The following SAPCD2 variants were observed in gnomAD, a reference collection of about 807,000 sequenced individuals.
SAPCD2 encodes suppressor APC domain containing 2, also known as suppressor APC domain-containing protein 2.
A neutral mutation model predicts 37.8 loss-of-function variants in SAPCD2; 34 were observed. The observed-to-expected ratio is 0.90, with a 90% CI of 0.68 to 1.20. The LOEUF is 1.20. Ranked by LOEUF, SAPCD2 falls within the 50% of genes most tolerant of loss-of-function variation. The pLI, the probability that SAPCD2 is intolerant of heterozygous loss-of-function variation, is 0.00. For missense variants in SAPCD2, 572 were observed against 584.7 expected (o/e 0.98, Z 0.22); for synonymous variants, 275 against 270.3 (o/e 1.02, Z -0.17).
chr9:137,066,149 C>G (rs527829114), intron 2 of SAPCD2, 113 bp downstream of exon 2: 1 of 829,190 alleles, frequency 1.2e-6, no homozygotes, highest in Non-Finnish European at 2.0e-6. Flanking sequence ...ATGTCCAGAG[C>G]TGACTGTACT....
chr9:137,065,508 G>A lies in SAPCD2; in HGVS notation c.831+14C>T. ...CCATGTGTGGGGATCTGGGGACAGG[G>A]CTGTGGCACTCACGGCGCTGGCTCT... On this transcript the variant is annotated intron_variant, in intron 3 of 5. Transcript: ENST00000409687. 1 of 1,588,886 alleles carries A rather than the reference G, an allele frequency of 6.3e-7. No individual in the cohort carries two copies. Among genetic ancestry groups the A allele is most frequent in the Non-Finnish European group, 8.6e-7 (1 of 1,165,096 alleles).
intron 1 of SAPCD2, among the ~76,000 whole-genome samples, chr9:137,069,634 G>A (rs974628064): frequency 2.6e-5 from 4 of 152,308 alleles, no homozygotes; most frequent in East Asian, 1.9e-4. Flanking sequence ...GCCACCCCCC[G>A]GCCCTGGTGG....
intron 1 of SAPCD2, among the ~76,000 whole-genome samples, chr9:137,067,682 G>A (rs2131530720): frequency 6.8e-6 from 1 of 147,116 alleles, no homozygotes; most frequent in South Asian, 2.2e-4. Context: ...GCTGAAGCAG[G>A]AGGATCGCTT....
Position 137,070,491 on chromosome 9 carries a change from C to T in SAPCD2, c.-31G>A. ...CCCGGGATCGGTCCCCTCGTCCACC[C>T]GCGTGCGTCCCAGCGCGGCCCCACG... is the stretch of plus-strand genomic sequence containing the variant. On this transcript the variant is annotated 5_prime_UTR_variant, in exon 1 of 6. Transcript: ENST00000409687. The T allele has an allele frequency of 8.4e-6, 10 of 1,195,996 alleles. No homozygotes were observed. The highest frequency in any genetic ancestry group is 1.0e-5 in the Non-Finnish European group (10 of 961,978). The allele number at this position is 1,195,996 out of a possible 1,614,324, so 74.1% of individuals were successfully genotyped here.
At position 137,064,883 on chromosome 9, in the gene SAPCD2, G is replaced by C. The variant is rs1454890942; in HGVS notation, c.1036C>G (p.Gln346Glu). 1 of 1,563,176 alleles carries C rather than the reference G, an allele frequency of 6.4e-7. No homozygotes were observed. Among genetic ancestry groups the C allele is most frequent in the East Asian group, 2.4e-5 (1 of 41,900 alleles). ...QQQTILMLKE[Q>E]NRLLTQEVTE... is the part of the protein sequence containing the mutation. Reference sequence around the variant, plus strand: ...CCTACCTGGGTGAGGAGTCGGTTCTGCTCCTTCAGCATGAGGATGGTCTGC... The same window carrying C: ...CCTACCTGGGTGAGGAGTCGGTTCTCCTCCTTCAGCATGAGGATGGTCTGC... The change falls in exon 5 of 6, where the codon CAG (glutamine) becomes GAG (glutamate). Residue 346 changes from glutamine to glutamate, a missense_variant. Coordinates refer to ENST00000409687, the MANE Select transcript of SAPCD2 (RefSeq NM_178448.4).
chr9:137,069,079 G>A (rs375461614), intron 1 of SAPCD2, among the ~76,000 whole-genome samples: 1 of 152,228 alleles, frequency 6.6e-6, no homozygotes, highest in African/African-American at 2.4e-5. Flanking sequence ...CTGGCAGAAC[G>A]GGTGCACAGG....
At position 137,070,395 on chromosome 9, in the gene SAPCD2, C is replaced by T. The variant is rs1199166098; in HGVS notation, c.66G>A (p.Glu22=). ...VPPPAPAPST[E]GLPRAFLQSL... is the part of the protein sequence containing the mutation. The stretch of plus-strand genomic sequence containing the variant: ...TCTGCAGGAAGGCGCGCGGCAGCCC[C>T]TCCGTGCTGGGCGCGGGTGCGGGGG... Residue 22 remains glutamate (E), a synonymous_variant, in exon 1 of 6, where the codon GAG becomes GAA. Coordinates refer to ENST00000409687, the MANE Select transcript of SAPCD2 (RefSeq NM_178448.4). The T allele has an allele frequency of 1.5e-6, 2 of 1,371,326 alleles. No individual in the cohort carries two copies. Among genetic ancestry groups the T allele is most frequent in the African/African-American group, 1.5e-5 (1 of 66,450 alleles). 84.9% of individuals were successfully genotyped at this position (1,371,326 alleles called of 1,614,324 possible). A position where few individuals can be genotyped will look rare whatever the true frequency, so the allele number is the denominator to read the frequency against.
In SAPCD2 at chr9:137,064,717, A is replaced by C. The variant is rs1296048731; in HGVS notation, c.1127T>G (p.Phe376Cys). 1.3e-6 allele frequency: 2 copies of C among 1,594,096 alleles called. No homozygotes were observed. Among genetic ancestry groups the C allele is most frequent in the Non-Finnish European group, 1.7e-6 (2 of 1,171,404 alleles). ...QEKSALIKQL[F>C]EARALSQQDG... ...CTGCTGGCTCAGGGCGCGGGCCTCA[A>C]ACAGCTGCTTAATGAGCGCCGACTT... Residue 376 changes from phenylalanine to cysteine, a missense_variant, in exon 6 of 6, where the codon TTT becomes TGT. Phe to Cys is a radical substitution (Grantham distance 205, BLOSUM62 -2). Coordinates refer to ENST00000409687, the MANE Select transcript of SAPCD2 (RefSeq NM_178448.4).
Position 137,070,271 on chromosome 9 carries a change from G to T in SAPCD2, c.190C>A (p.Leu64Met). Residue 64 changes from leucine (L) to methionine (M), a missense_variant, in exon 1 of 6, where the codon CTG becomes ATG. Coordinates refer to ENST00000409687, the MANE Select transcript of SAPCD2 (RefSeq NM_178448.4). ...AAGCCCTCCAGCACCCCGCGGGGCA[G>T]CTCCCGCGCGTCGGTGCCCTGCCAG... ...SRWQGTDARELPRGVLEGLRQ... is the reference protein window; with the variant it reads ...SRWQGTDAREMPRGVLEGLRQ... 1 of 1,455,222 alleles carries T rather than the reference G, an allele frequency of 6.9e-7. No homozygotes were observed. The highest frequency in any genetic ancestry group is 2.3e-5 in the Admixed American group (1 of 43,014). 90.1% of individuals were successfully genotyped at this position (1,455,222 alleles called of 1,614,324 possible).
chr9:137,067,966 G>C (rs1170611681), intron 1 of SAPCD2, among the ~76,000 whole-genome samples: 1 of 152,074 alleles, frequency 6.6e-6, no homozygotes, highest in Non-Finnish European at 1.5e-5. Context: ...TGAGGGAGTA[G>C]GTGCACCTCC....
At position 137,063,859 on chromosome 9, in the gene SAPCD2, C is replaced by T. The variant is rs1335415404; in HGVS notation, c.*800G>A. 2 of 152,312 alleles carry T rather than the reference C, an allele frequency of 1.3e-5. No individual in the cohort carries two copies. Among genetic ancestry groups the T allele is most frequent in the Admixed American group, 6.5e-5 (1 of 15,284 alleles). The allele number at this position is 152,312 out of a possible 1,614,324, so 9.4% of individuals were successfully genotyped here. Reference sequence around the variant, plus strand: ...ACCCCAGGCCTTGGAAATCCTGAGTCGGGGGAACAGGCTTTGCCTATGACG... The same window carrying T: ...ACCCCAGGCCTTGGAAATCCTGAGTTGGGGGAACAGGCTTTGCCTATGACG... On this transcript the variant is annotated 3_prime_UTR_variant, in exon 6 of 6. Coordinates refer to ENST00000409687, the MANE Select transcript of SAPCD2 (RefSeq NM_178448.4).
intron 1 of SAPCD2, among the ~76,000 whole-genome samples, chr9:137,067,660 G>A (rs756490928): frequency 2.7e-4 from 40 of 149,766 alleles, no homozygotes; most frequent in African/African-American, 9.3e-4. Flanking sequence ...TGTAATCCCA[G>A]CTACTCGGGA....
rs1706888514 is a variant in SAPCD2 at position 137,070,136 on chromosome 9, G to GGCCGT, written c.324_325insACGGC (p.Pro109ThrfsTer123). ...GGCGGCTGATCCCCGGGCCGGGCCG[G>GGCCGT]GGCGCGCGTGGGGTCCCGGGGGCCG... is the stretch of plus-strand genomic sequence containing the variant. On this transcript the variant is annotated frameshift_variant, in exon 1 of 6. Transcript: ENST00000409687. LOFTEE classifies it high-confidence loss of function. The GGCCGT allele has an allele frequency of 8.3e-7, 1 of 1,199,530 alleles. No homozygotes were observed. The highest frequency in any genetic ancestry group is 1.0e-6 in the Non-Finnish European group (1 of 968,540). The allele number at this position is 1,199,530 out of a possible 1,614,324, so 74.3% of individuals were successfully genotyped here.
At chr9:137,066,559 G>A (rs1832549560) in intron 1 of SAPCD2, among the ~76,000 whole-genome samples, 185 bp from the exon 2 acceptor site, 1 of 152,204 alleles carries the variant, frequency 6.6e-6, no homozygotes, top group Non-Finnish European at 1.5e-5. Flanking sequence ...TCCTCACACT[G>A]GCTTGGGGAG....
In SAPCD2 at chr9:137,064,440, G is replaced by A; in HGVS notation, c.*219C>T. 1 of 598,954 alleles carries A rather than the reference G, an allele frequency of 1.7e-6. No individual in the cohort carries two copies. Among genetic ancestry groups the A allele is most frequent in the Non-Finnish European group, 3.0e-6 (1 of 338,248 alleles). The allele number at this position is 598,954 out of a possible 1,614,324, so 37.1% of individuals were successfully genotyped here. A position where few individuals can be genotyped will look rare whatever the true frequency, so the allele number is the denominator to read the frequency against. ...CTCAAGAGAGCCCCAGCCCATGTCA[G>A]CACCAGGAGCCAAAACGGAGTCAAG... On this transcript the variant is annotated 3_prime_UTR_variant, in exon 6 of 6. Coordinates refer to ENST00000409687, the MANE Select transcript of SAPCD2 (RefSeq NM_178448.4).
Position 137,070,234 on chromosome 9 carries a change from G to A in SAPCD2, c.227C>T (p.Ala76Val), listed in dbSNP as rs1386126878. The A allele has an allele frequency of 1.4e-6, 2 of 1,414,794 alleles. No homozygotes were observed. The highest frequency in any genetic ancestry group is 1.9e-6 in the Non-Finnish European group (2 of 1,080,146). 87.6% of individuals were successfully genotyped at this position (1,414,794 alleles called of 1,614,324 possible). ...RGVLEGLRQV[A>V]PASGYLTFER... ...GAAGGTCAGGTAGCCGCTGGCCGGG[G>A]CCACCTGGCGCAAGCCCTCCAGCAC... The change falls in exon 1 of 6, where the codon GCC becomes GTC. Residue 76 changes from alanine to valine, a missense_variant. Coordinates refer to ENST00000409687, the MANE Select transcript of SAPCD2 (RefSeq NM_178448.4).
rs1832475113 is a variant in SAPCD2, at chr9:137,062,519, C to T, written c.*2140G>A. On this transcript the variant is annotated 3_prime_UTR_variant, in exon 6 of 6. Transcript: ENST00000409687. ...TTCTCAACTGGGGACACTTCTGCCCCCAAGGACACATTTCAACATCCTGAG... is the reference window on the plus strand; with the variant it reads ...TTCTCAACTGGGGACACTTCTGCCCTCAAGGACACATTTCAACATCCTGAG... The T allele has an allele frequency of 6.6e-6, 1 of 152,170 alleles. No individual in the cohort carries two copies. The highest frequency in any genetic ancestry group is 1.5e-5 in the Non-Finnish European group (1 of 68,040). 9.4% of individuals were successfully genotyped at this position (152,170 alleles called of 1,614,324 possible).
rs1832514416 is a variant in SAPCD2 at position 137,064,601 on chromosome 9, C to T, written c.*58G>A. 4 of 1,551,572 alleles carry T rather than the reference C, an allele frequency of 2.6e-6. No individual in the cohort carries two copies. Among genetic ancestry groups the T allele is most frequent in the African/African-American group, 1.4e-5 (1 of 73,260 alleles). On this transcript the variant is annotated 3_prime_UTR_variant, in exon 6 of 6. Coordinates refer to ENST00000409687, the MANE Select transcript of SAPCD2 (RefSeq NM_178448.4). The stretch of plus-strand genomic sequence containing the variant: ...AGAGAGGGTGGGTGCGATGGGGCGC[C>T]CACCCTCGAAGGGCTGAGTGCCAGG...
At chr9:137,067,853 A>T (rs1420557890) in intron 1 of SAPCD2, among the ~76,000 whole-genome samples, 2 of 148,356 alleles carry the variant, frequency 1.3e-5, no homozygotes, top group African/African-American at 4.9e-5. Flanking sequence ...CAAGTCAGGC[A>T]CGTCCTGGTG....
Sources: gnomAD v4.1 joint callset for allele counts (sites outside exome capture counted in the v4.1 genomes callset) on GRCh38, gnomAD v4.1.1 for gene constraint, MANE v1.5 for transcripts, NCBI Gene and HGNC (gene_info 2026-07-23, HGNC 2026-07-21) for gene names.